DLGAP1: variants seen among roughly 807,000 people sequenced by gnomAD.
The protein encoded by DLGAP1 is disks large-associated protein 1.
A neutral mutation model predicts 90.8 loss-of-function variants in DLGAP1; 11 were observed. The observed-to-expected ratio is 0.12, with a 90% CI of 0.08 to 0.20. The LOEUF (loss-of-function observed/expected upper bound fraction) is 0.20, where lower values mean the gene tolerates loss of function less well. Among genes scored for constraint, DLGAP1 ranks in the 10% least tolerant of loss-of-function variants. DLGAP1 has a pLI of 1.00. For missense variants in DLGAP1, 1,050 were observed against 1,333.8 expected, an observed-to-expected ratio of 0.79 and a Z score of 3.31; for synonymous variants, 558 against 540.7, an observed-to-expected ratio of 1.03 and a Z score of -0.44.
chr18:3,751,349 T>G (rs760640601), intron 5 of DLGAP1, among the ~76,000 whole-genome samples: 27 of 152,128 alleles, frequency 1.8e-4, no homozygotes, highest in Non-Finnish European at 3.4e-4. Context: ...CAGGCTGGAG[T>G]GCAATGGTGC....
intron 3 of DLGAP1, among the ~76,000 whole-genome samples, chr18:3,935,013 T>A (rs2072602432): frequency 6.6e-6 from 1 of 152,238 alleles, no homozygotes; most frequent in South Asian, 2.1e-4. Flanking sequence ...TTTTTAAATC[T>A]TTGGAACTGG....
chr18:3,971,050 T>A (rs2073437765), intron 3 of DLGAP1, among the ~76,000 whole-genome samples: 1 of 152,164 alleles, frequency 6.6e-6, no homozygotes, highest in South Asian at 2.1e-4. Flanking sequence ...TGTCCCCCTC[T>A]AGCACCCCAC....
intron 3 of DLGAP1, among the ~76,000 whole-genome samples, chr18:3,883,220 G>C (rs1360930215): frequency 6.6e-6 from 1 of 152,160 alleles, no homozygotes; most frequent in Non-Finnish European, 1.5e-5. Flanking sequence ...CTCCAACCTG[G>C]GTGACAGAGC....
At chr18:4,259,669 T>C (rs1050237108) in intron 1 of DLGAP1, among the ~76,000 whole-genome samples, 1 of 152,186 alleles carries the variant, frequency 6.6e-6, no homozygotes, top group Non-Finnish European at 1.5e-5. Flanking sequence ...GGTTGACCAA[T>C]GCCATTACAT....
chr18:3,881,997 CA>C (rs1326353687), intron 3 of DLGAP1, among the ~76,000 whole-genome samples: 1 of 152,222 alleles, frequency 6.6e-6, no homozygotes, highest in Non-Finnish European at 1.5e-5. Flanking sequence ...TCTTCTGTTG[CA>C]TGTTTTCCTT....
intron 2 of DLGAP1, among the ~76,000 whole-genome samples, chr18:4,025,427 A>C (rs2074683643): frequency 6.6e-6 from 1 of 152,092 alleles, no homozygotes; most frequent in Non-Finnish European, 1.5e-5. Context: ...TCCAAAACCC[A>C]AAAAAATCTG....
chr18:4,073,600 CTTATT>C (rs1234483569), intron 2 of DLGAP1, among the ~76,000 whole-genome samples: 2 of 152,060 alleles, frequency 1.3e-5, no homozygotes, highest in Non-Finnish European at 2.9e-5. Flanking sequence ...TCAAAGTGAC[CTTATT>C]TTAATGTTAG....
intron 5 of DLGAP1, among the ~76,000 whole-genome samples, chr18:3,793,124 T>TTAGCAGGAATTAGACCAGGAG (rs2065818309): frequency 1.3e-5 from 2 of 152,144 alleles, no homozygotes; most frequent in African/African-American, 4.8e-5. Flanking sequence ...AATTAGCAGA[T>TTAGCAGGAATTAGACCAGGAG]GAATTGCTTG....
chr18:3,772,358 T>TTCTTTCTC lies in DLGAP1; in HGVS notation c.1173-29847_1173-29846insGAGAAAGA, dbSNP rs1568108824. 3.6e-3 allele frequency among the ~76,000 whole-genome samples: 16 copies of TTCTTTCTC among 4,416 alleles called. 1 individual carries two copies. Among genetic ancestry groups the TTCTTTCTC allele is most frequent in the African/African-American group, 8.4e-3 (16 of 1,904 alleles). 2.9% of individuals were successfully genotyped at this position (4,416 alleles called of 152,430 possible). On this transcript the variant is annotated intron_variant, in intron 5 of 12. Transcript: ENST00000315677. Reference sequence around the variant, plus strand: ...TCTCTCTCTCTCTCTCTTTCTTTCTTTCTTTCTTTCTTTCTTTCTTTCTTT... The same window carrying TTCTTTCTC: ...TCTCTCTCTCTCTCTCTTTCTTTCTTTCTTTCTCTCTTTCTTTCTTTCTTTCTTTCTTT...
In DLGAP1 at chr18:3,557,717, A is replaced by T. The variant is rs538885056; in HGVS notation, c.2057+9773T>A. On this transcript the variant is annotated intron_variant, in intron 9 of 12. Coordinates refer to ENST00000315677, the MANE Select transcript of DLGAP1 (RefSeq NM_004746.4). ...TATGATATGATTTATAATTTTAAAA[A>T]TTTGTTCATGACCAGCCTGGCCAAC... is the stretch of plus-strand genomic sequence containing the variant. Among the ~76,000 whole-genome samples the T allele has an allele frequency of 6.0e-4, 91 of 152,230 alleles. No individual in the cohort carries two copies. In the South Asian group the frequency reaches 7.7e-3, roughly 13 times the overall value.
intron 1 of DLGAP1, among the ~76,000 whole-genome samples, chr18:4,217,588 C>T (rs913393583): frequency 1.3e-5 from 2 of 151,854 alleles, no homozygotes; most frequent in African/African-American, 4.8e-5. Context: ...TACTTACCGT[C>T]TACACACACA....
chr18:4,011,231 G>T (rs1371343968), intron 2 of DLGAP1, among the ~76,000 whole-genome samples: 1 of 150,640 alleles, frequency 6.6e-6, no homozygotes, highest in African/African-American at 2.4e-5. Context: ...TCTCTGTCTA[G>T]TTGTAAAGAG....
At chr18:3,662,110 T>A (rs768024587) in intron 7 of DLGAP1, among the ~76,000 whole-genome samples, 3,147 of 98,710 alleles carry the variant, frequency 0.032, 42 homozygotes, top group Non-Finnish European at 0.044. Context: ...AAAAAAAAAT[T>A]TTTTTTAAAG....
At chr18:3,569,970 G>A (rs770792063) in intron 8 of DLGAP1, among the ~76,000 whole-genome samples, 21 of 151,812 alleles carry the variant, frequency 1.4e-4, no homozygotes, top group Non-Finnish European at 2.8e-4. Context: ...TATTTTTACT[G>A]TACCTTTTCT....
intron 5 of DLGAP1, among the ~76,000 whole-genome samples, chr18:3,784,608 C>T (rs1297075030): frequency 6.6e-6 from 1 of 152,140 alleles, no homozygotes; most frequent in Non-Finnish European, 1.5e-5. Flanking sequence ...ACGGCCGGAT[C>T]CCTGCCCGGC....
At chr18:3,759,967 G>A (rs1598622848) in intron 5 of DLGAP1, among the ~76,000 whole-genome samples, 1 of 152,304 alleles carries the variant, frequency 6.6e-6, no homozygotes, top group East Asian at 1.9e-4. Flanking sequence ...TCAGGATGCC[G>A]GTGTATCCAA....
intron 2 of DLGAP1, among the ~76,000 whole-genome samples, chr18:4,141,631 T>C (rs1000663359): frequency 6.6e-6 from 1 of 152,010 alleles, no homozygotes; most frequent in Non-Finnish European, 1.5e-5. Flanking sequence ...ACCACACTTT[T>C]AGGTGTTTAA....
At chr18:4,178,368 T>TA (rs1416610521) in intron 1 of DLGAP1, among the ~76,000 whole-genome samples, 14 of 148,418 alleles carry the variant, frequency 9.4e-5, no homozygotes, top group African/African-American at 3.3e-4. Context: ...CCACTATATA[T>TA]TTTTTTTTAT....
rs566588805 is a variant in DLGAP1 at position 4,349,435 on chromosome 18, A to T, written c.-267+105571T>A. Among the ~76,000 whole-genome samples, 3 of 152,242 alleles carry T rather than the reference A, an allele frequency of 2.0e-5. No homozygotes were observed. The South Asian group carries it at 6.2e-4, about 32-fold the overall frequency. On this transcript the variant is annotated intron_variant, in intron 1 of 12. Coordinates refer to ENST00000315677, the MANE Select transcript of DLGAP1 (RefSeq NM_004746.4). ...CCTGGATTGGATCTTAATACAGAAA[A>T]ATGACATTTGTGGCACAAACTCATA...
Sources: allele counts gnomAD v4.1 joint callset (sites outside exome capture counted in the v4.1 genomes callset), GRCh38; gene constraint gnomAD v4.1.1; transcripts MANE v1.5; gene names NCBI Gene and HGNC (gene_info 2026-07-23, HGNC 2026-07-21).